Variants in ENDOV observed in about 807,000 individuals in gnomAD.
ENDOV encodes endonuclease V, also known as hEndoV.
A neutral mutation model predicts 39.4 loss-of-function variants in ENDOV; 37 were observed. The observed-to-expected ratio is 0.94, with a 90% CI of 0.72 to 1.23. The LOEUF (loss-of-function observed/expected upper bound fraction) is 1.23, where lower values mean the gene tolerates loss of function less well. Ranked by LOEUF, ENDOV falls within the 50% of genes most tolerant of loss-of-function variation. The pLI is 0.00. For missense variants in ENDOV, 441 were observed against 375.7 expected, an observed-to-expected ratio of 1.17 and a Z score of -1.44; for synonymous variants, 186 against 163.4, an observed-to-expected ratio of 1.14 and a Z score of -1.05.
intron 4 of ENDOV, 27 bp from the exon 5 acceptor site, chr17:80,423,493 A>G: frequency 1.3e-6 from 1 of 755,526 alleles, no homozygotes; most frequent in Non-Finnish European, 2.1e-6. Flanking sequence ...CCACCTCCCC[A>G]ACCCCACCCT....
At chr17:80,428,292 C>G (rs2082973481) in intron 7 of ENDOV, among the ~76,000 whole-genome samples, 1 of 152,244 alleles carries the variant, frequency 6.6e-6, no homozygotes, top group South Asian at 2.1e-4. Context: ...CCAACTGCCA[C>G]TGGTGGGGAG....
intron 4 of ENDOV, among the ~76,000 whole-genome samples, 162 bp from the exon 5 acceptor site, chr17:80,423,358 G>A (rs1168823697): frequency 6.6e-6 from 1 of 152,244 alleles, no homozygotes; most frequent in Admixed American, 6.5e-5. Context: ...GGGGGCTTTC[G>A]CCCAGGTCTG....
At chr17:80,421,562 G>A (rs1244440799) in intron 2 of ENDOV, among the ~76,000 whole-genome samples, 17 of 145,630 alleles carry the variant, frequency 1.2e-4, no homozygotes, top group African/African-American at 5.1e-5. Flanking sequence ...ACCAGGTCCC[G>A]GGGGAGCTGC....
intron 2 of ENDOV, chr17:80,419,560 A>G (rs753399380): frequency 1.7e-5 from 12 of 702,418 alleles, no homozygotes; most frequent in Non-Finnish European, 2.3e-5. Context: ...GCTGACTCCT[A>G]CTTGTCTGTG....
chr17:80,427,668 G>T, intron 7 of ENDOV: 1 of 1,254,456 alleles, frequency 8.0e-7, no homozygotes, highest in Non-Finnish European at 1.0e-6. Flanking sequence ...CTCTCAACAG[G>T]TTCACCTCCT....
intron 7 of ENDOV, chr17:80,427,788 G>A (rs8065290): frequency 1.6e-6 from 2 of 1,289,146 alleles, no homozygotes; most frequent in East Asian, 1.1e-4. Context: ...CAGGCGCTGC[G>A]GCGCTCCTGG....
At chr17:80,430,750 C>T (rs374634224) in intron 9 of ENDOV, among the ~76,000 whole-genome samples, 5 of 152,156 alleles carry the variant, frequency 3.3e-5, no homozygotes, top group Non-Finnish European at 7.4e-5. Flanking sequence ...GGGCTAGGAT[C>T]GGGGGTGGCA....
intron 2 of ENDOV, among the ~76,000 whole-genome samples, chr17:80,421,303 A>C (rs76688867): frequency 1.7e-4 from 14 of 81,672 alleles, no homozygotes; most frequent in Admixed American, 3.2e-4. Flanking sequence ...GGGAATCCTC[A>C]TACAGACCAG....
intron 2 of ENDOV, chr17:80,418,541 T>C (rs1231992199): frequency 1.3e-5 from 2 of 152,228 alleles, no homozygotes; most frequent in Non-Finnish European, 2.9e-5. Flanking sequence ...TATGAAAGCT[T>C]AGACTAGGAA....
Position 80,425,637 on chromosome 17 carries a change from T to A in ENDOV, c.714+17T>A. ...GTGCGCCAGGTGGGTGTGCTGGGGATGCGGGGAGGCAGCACAGGCTCCTCT... is the reference window on the plus strand; with the variant it reads ...GTGCGCCAGGTGGGTGTGCTGGGGAAGCGGGGAGGCAGCACAGGCTCCTCT... On this transcript the variant is annotated intron_variant, in intron 7 of 9. Transcript: ENST00000518137. 2 of 1,567,446 alleles carry A rather than the reference T, an allele frequency of 1.3e-6. No homozygotes were observed. The highest frequency in any genetic ancestry group is 1.7e-6 in the Non-Finnish European group (2 of 1,164,064).
chr17:80,436,055 C>T, intron 9 of ENDOV, 78 bp from the exon 10 acceptor site: 1 of 1,524,702 alleles, frequency 6.6e-7, no homozygotes, highest in South Asian at 1.1e-5. Flanking sequence ...GCACCTGGCC[C>T]ATTTCCACTT....
At chr17:80,423,716 C>G in intron 5 of ENDOV, 84 bp downstream of exon 5, 1 of 1,283,074 alleles carries the variant, frequency 7.8e-7, no homozygotes, top group Non-Finnish European at 1.1e-6. Flanking sequence ...ACTTCTGGAC[C>G]AGCCCTTGCC....
intron 1 of ENDOV, 91 bp downstream of exon 1, chr17:80,415,341 A>G (rs2080939763): frequency 4.8e-6 from 7 of 1,464,612 alleles, no homozygotes; most frequent in Non-Finnish European, 1.9e-6. Context: ...AGGCTGTGGA[A>G]TCGGAGCTGC....
chr17:80,420,606 G>A (rs997053280), intron 2 of ENDOV: 3 of 152,272 alleles, frequency 2.0e-5, no homozygotes, highest in Non-Finnish European at 4.4e-5. Flanking sequence ...GTCACCAAGA[G>A]ATTTGGGGGA....
intron 9 of ENDOV, among the ~76,000 whole-genome samples, chr17:80,435,841 C>T (rs2083562147): frequency 6.6e-6 from 1 of 151,576 alleles, no homozygotes; most frequent in South Asian, 2.1e-4. Context: ...TGGTCTCGAT[C>T]TCCTGACCTC....
chr17:80,419,579 C>T (rs913887191), intron 2 of ENDOV: 15 of 702,690 alleles, frequency 2.1e-5, no homozygotes, highest in African/African-American at 1.2e-4. Context: ...TGACTCCCAT[C>T]GATCAGTTCT....
Position 80,436,505 on chromosome 17 carries a change from G to T in ENDOV, c.*362G>T. ...TAAAGGGTACTGGATTTTGTCAAAT[G>T]CTTTTCTGGCCTCTATTGAAAAGAT... is the stretch of plus-strand genomic sequence containing the variant. On this transcript the variant is annotated 3_prime_UTR_variant, in exon 10 of 10. Transcript: ENST00000518137. The T allele has an allele frequency of 1.9e-6, 1 of 528,150 alleles. No homozygotes were observed. The highest frequency in any genetic ancestry group is 2.9e-6 in the Non-Finnish European group (1 of 341,236). 32.7% of individuals were successfully genotyped at this position (528,150 alleles called of 1,614,324 possible).
intron 9 of ENDOV, among the ~76,000 whole-genome samples, chr17:80,433,700 G>T (rs1183098606): frequency 6.6e-6 from 1 of 152,202 alleles, no homozygotes; most frequent in Admixed American, 6.5e-5. Context: ...CTGTGAGGGG[G>T]GCAGAGATGG....
intron 2 of ENDOV, chr17:80,419,761 A>G (rs1568213458): frequency 4.4e-6 from 3 of 681,912 alleles, no homozygotes; most frequent in Non-Finnish European, 8.1e-6. Context: ...CACACAATCC[A>G]TCTTTCCGTC....
Sources: gnomAD v4.1 joint callset for allele counts (sites outside exome capture counted in the v4.1 genomes callset) on GRCh38, gnomAD v4.1.1 for gene constraint, MANE v1.5 for transcripts, NCBI Gene and HGNC (gene_info 2026-07-23, HGNC 2026-07-21) for gene names.